The following SIK3 variants were observed in gnomAD, a reference collection of about 807,000 sequenced individuals.
SIK3 encodes serine/threonine-protein kinase SIK3.
Under a neutral mutation model 144.2 loss-of-function variants are expected in SIK3, and 28 were observed. The ratio of observed to expected loss-of-function variants is 0.19; its 90% CI spans 0.14 to 0.27. The LOEUF is 0.27. Ranked by LOEUF, SIK3 falls within the 10% of genes least tolerant of loss-of-function variation. The pLI is 1.00. For synonymous variants in SIK3, 686 were observed against 676.3 expected (o/e 1.01, Z -0.22); for missense variants, 1,319 against 1,776.0 (o/e 0.74, Z 4.62).
chr11:117,043,090 A>G (rs1439135234), intron 1 of SIK3, among the ~76,000 whole-genome samples: 1 of 152,186 alleles, frequency 6.6e-6, no homozygotes, highest in Admixed American at 6.5e-5. Context: ...CAGCTTCCAT[A>G]TTAAAATTAT....
chr11:116,998,966 TTGAG>T (rs1950762603), intron 1 of SIK3, among the ~76,000 whole-genome samples: 1 of 152,220 alleles, frequency 6.6e-6, no homozygotes. Context: ...GTGACCCATT[TTGAG>T]TAAGTTAAGA....
intron 6 of SIK3, among the ~76,000 whole-genome samples, chr11:116,884,773 G>C (rs1160605061): frequency 1.3e-5 from 2 of 152,116 alleles, no homozygotes; most frequent in Non-Finnish European, 2.9e-5. Flanking sequence ...CACCAAGCCT[G>C]ACAAGGATGT....
At chr11:117,044,064 T>A (rs762715010) in intron 1 of SIK3, among the ~76,000 whole-genome samples, 8 of 152,234 alleles carry the variant, frequency 5.3e-5, no homozygotes, top group Non-Finnish European at 8.8e-5. Flanking sequence ...ATTTTGTCAA[T>A]AAGCAAAGGA....
chr11:116,991,582 G>T (rs114022648), intron 1 of SIK3, among the ~76,000 whole-genome samples: 1 of 152,120 alleles, frequency 6.6e-6, no homozygotes, highest in East Asian at 1.9e-4. Context: ...CAGTCAAGAA[G>T]TACAAATAAT....
Position 116,870,367 on chromosome 11 carries a change from C to G in SIK3, c.1772G>C (p.Ser591Thr). ...VPAVTPVDEE[S>T]SDGEPDQEAV... ...TTCCTGGTCTGGCTCCCCGTCTGAG[C>G]TCTCCTCGTCCACAGGGGTAACTGC... is the stretch of plus-strand genomic sequence containing the variant. The change falls in exon 14 of 25, where the codon AGC becomes ACC. Residue 591 changes from serine to threonine, a missense_variant. By Grantham distance (58) the Ser-to-Thr change is moderately conservative. Around this residue, in one of 8 missense-constraint regions of SIK3, gnomAD observed 167 missense variants for 263.3 expected, o/e 0.63. Coordinates refer to ENST00000445177, the MANE Select transcript of SIK3 (RefSeq NM_001366686.3). The G allele has an allele frequency of 1.2e-6, 2 of 1,612,710 alleles. No individual in the cohort carries two copies. Among genetic ancestry groups the G allele is most frequent in the Non-Finnish European group, 1.7e-6 (2 of 1,180,020 alleles).
intron 1 of SIK3, among the ~76,000 whole-genome samples, chr11:117,069,184 TGG>T (rs34598824): frequency 0.25 from 20,810 of 82,932 alleles, 2,194 homozygotes; most frequent in Middle Eastern, 0.31. Flanking sequence ...GATTTTTTTT[TGG>T]GGGGGGGGGG....
intron 1 of SIK3, among the ~76,000 whole-genome samples, chr11:116,992,450 T>C (rs895745591): frequency 1.3e-5 from 2 of 152,092 alleles, no homozygotes; most frequent in South Asian, 2.1e-4. Flanking sequence ...CCATACACTC[T>C]ACAGCATTAA....
At chr11:117,034,687 T>C (rs1304566291) in intron 1 of SIK3, among the ~76,000 whole-genome samples, 1 of 152,180 alleles carries the variant, frequency 6.6e-6, no homozygotes, top group African/African-American at 2.4e-5. Flanking sequence ...GCCAGCACGA[T>C]TCCAATTATC....
rs1272429495 is a variant in SIK3 at position 117,057,152 on chromosome 11, T to C, written c.273+40991A>G. 2.0e-5 allele frequency among the ~76,000 whole-genome samples: 3 copies of C among 152,308 alleles called. No individual in the cohort carries two copies. In the East Asian group the frequency reaches 5.8e-4, roughly 29 times the overall value. On this transcript the variant is annotated intron_variant, in intron 1 of 24. Transcript: ENST00000445177. ...AAAAACTTAGATAATACTACATACA[T>C]TACCCTTGTGTATTTTAAGTGTCCA...
At chr11:116,929,947 G>A (rs1461453172) in intron 3 of SIK3, among the ~76,000 whole-genome samples, 1 of 152,124 alleles carries the variant, frequency 6.6e-6, no homozygotes, top group Non-Finnish European at 1.5e-5. Context: ...CTGTAACAGC[G>A]CACTGGGTAG....
chr11:116,916,667 C>A (rs1472955858), intron 4 of SIK3, among the ~76,000 whole-genome samples: 1 of 151,880 alleles, frequency 6.6e-6, no homozygotes, highest in African/African-American at 2.4e-5. Flanking sequence ...CCTGCCACCA[C>A]GCCCGGCTAA....
At chr11:116,919,044 T>C (rs1192743524) in intron 4 of SIK3, among the ~76,000 whole-genome samples, 1 of 152,128 alleles carries the variant, frequency 6.6e-6, no homozygotes, top group Non-Finnish European at 1.5e-5. Flanking sequence ...TCACTGGACA[T>C]GTCAACCTGG....
At chr11:116,966,238 T>A (rs1268018761) in intron 1 of SIK3, among the ~76,000 whole-genome samples, 1 of 151,882 alleles carries the variant, frequency 6.6e-6, no homozygotes, top group Non-Finnish European at 1.5e-5. Flanking sequence ...ACAAAAAATT[T>A]TTTAAAAATT....
At chr11:116,981,816 T>C (rs957991727) in intron 1 of SIK3, among the ~76,000 whole-genome samples, 2 of 152,164 alleles carry the variant, frequency 1.3e-5, no homozygotes, top group African/African-American at 4.8e-5. Context: ...AGTTCAACAC[T>C]AGCCTGGGCA....
At position 117,073,707 on chromosome 11, in the gene SIK3, G is replaced by A. The variant is rs140928960; in HGVS notation, c.273+24436C>T. The stretch of plus-strand genomic sequence containing the variant: ...AGTATTAACTATATAATGAAAGCAT[G>A]AATCAGCTTCACACGTCCTTGTCTC... On this transcript the variant is annotated intron_variant, in intron 1 of 24. Coordinates refer to ENST00000445177, the MANE Select transcript of SIK3 (RefSeq NM_001366686.3). 9.2e-5 allele frequency among the ~76,000 whole-genome samples: 14 copies of A among 152,316 alleles called. No individual in the cohort carries two copies. The East Asian group carries it at 2.7e-3, about 29-fold the overall frequency.
intron 6 of SIK3, among the ~76,000 whole-genome samples, chr11:116,889,548 C>T (rs1944994432): frequency 6.6e-6 from 1 of 152,130 alleles, no homozygotes; most frequent in South Asian, 2.1e-4. Context: ...GCTTAGGTGA[C>T]AGAGCAAGAC....
rs375086003 is a variant in SIK3, at chr11:116,851,114, T to C, written c.3656-1831A>G. The stretch of plus-strand genomic sequence containing the variant: ...GGAGAGAAAAAGGAATGAGTACTTC[T>C]TCTTGATCAAGGATAGTCAAGAAGA... On this transcript the variant is annotated intron_variant, in intron 21 of 24. Transcript: ENST00000445177. Among the ~76,000 whole-genome samples the C allele has an allele frequency of 5.3e-5, 8 of 152,250 alleles. No homozygotes were observed. In the South Asian group the frequency reaches 1.0e-3, roughly 20 times the overall value.
chr11:117,090,109 T>C (rs549813273), intron 1 of SIK3, among the ~76,000 whole-genome samples: 3 of 152,374 alleles, frequency 2.0e-5, no homozygotes, highest in African/African-American at 4.8e-5. Context: ...CTCAAGGACA[T>C]TGCCTACGCC....
intron 6 of SIK3, among the ~76,000 whole-genome samples, chr11:116,889,672 G>A (rs1008889639): frequency 2.6e-5 from 4 of 152,208 alleles, no homozygotes; most frequent in African/African-American, 9.6e-5. Flanking sequence ...GTGGTGGGCG[G>A]ACTGCTTGAG....
Sources: gnomAD v4.1 joint callset for allele counts (sites outside exome capture counted in the v4.1 genomes callset) on GRCh38, gnomAD v4.1.1 for gene constraint, gnomAD v4.1.1 regional missense constraint, MANE v1.5 for transcripts, NCBI Gene and HGNC (gene_info 2026-07-23, HGNC 2026-07-21) for gene names.